The following GRID2 variants were observed in gnomAD, a reference collection of about 807,000 sequenced individuals.
GRID2 encodes glutamate ionotropic receptor delta type subunit 2.
GRID2 carries 33 observed loss-of-function variants against 114.8 expected under a neutral mutation model. That is an observed-to-expected ratio of 0.29 (90% CI 0.22 to 0.38). GRID2 has a LOEUF of 0.38. Ranked by LOEUF, GRID2 falls within the 10% of genes least tolerant of loss-of-function variation. The pLI, the probability that GRID2 is intolerant of heterozygous loss-of-function variation, is 1.00. For synonymous variants in GRID2, 505 were observed against 449.9 expected, an observed-to-expected ratio of 1.12 and a Z score of -1.55; for missense variants, 1,184 against 1,257.7, an observed-to-expected ratio of 0.94 and a Z score of 0.89.
intron 1 of GRID2, among the ~76,000 whole-genome samples, chr4:92,406,144 C>G (rs1731019586): frequency 2.6e-5 from 4 of 152,124 alleles, no homozygotes; most frequent in African/African-American, 9.7e-5. Flanking sequence ...TCCACATTCC[C>G]CAGCCCACTG....
At chr4:92,782,146 A>G (rs1739108589) in intron 2 of GRID2, among the ~76,000 whole-genome samples, 1 of 152,052 alleles carries the variant, frequency 6.6e-6, no homozygotes, top group Non-Finnish European at 1.5e-5. Context: ...ATATTTAGAT[A>G]TGGCTGTTGT....
At chr4:92,802,901 G>A (rs1740243176) in intron 2 of GRID2, among the ~76,000 whole-genome samples, 2 of 151,912 alleles carry the variant, frequency 1.3e-5, no homozygotes, top group East Asian at 1.9e-4. Flanking sequence ...TGGTATCACT[G>A]CTGCATTTTT....
At chr4:93,158,975 AG>A (rs1737427439) in intron 4 of GRID2, among the ~76,000 whole-genome samples, 1 of 151,804 alleles carries the variant, frequency 6.6e-6, no homozygotes, top group African/African-American at 2.4e-5. Flanking sequence ...TTTGGTACAA[AG>A]ATTCATTGGC....
At chr4:93,623,839 C>A (rs1378419316) in intron 13 of GRID2, among the ~76,000 whole-genome samples, 1 of 151,996 alleles carries the variant, frequency 6.6e-6, no homozygotes. Context: ...AATTTCATTA[C>A]TATTCTTGTC....
At chr4:92,489,265 A>G (rs987144079) in intron 1 of GRID2, among the ~76,000 whole-genome samples, 1 of 152,178 alleles carries the variant, frequency 6.6e-6, no homozygotes, top group Admixed American at 6.6e-5. Flanking sequence ...ACTCAACAGA[A>G]ATAATTATAT....
intron 14 of GRID2, among the ~76,000 whole-genome samples, chr4:93,709,248 C>G (rs1728275909): frequency 6.6e-6 from 1 of 152,060 alleles, no homozygotes; most frequent in Admixed American, 6.6e-5. Context: ...TGTAAAACAC[C>G]CTTTAGCATC....
At chr4:92,401,268 T>A (rs1730775796) in intron 1 of GRID2, among the ~76,000 whole-genome samples, 1 of 152,178 alleles carries the variant, frequency 6.6e-6, no homozygotes, top group Non-Finnish European at 1.5e-5. Context: ...TTGGCAATAG[T>A]TTAAACAATA....
chr4:92,852,976 T>C lies in GRID2; in HGVS notation c.245-232019T>C, dbSNP rs1743930786. On this transcript the variant is annotated intron_variant, in intron 2 of 15. Coordinates refer to ENST00000282020, the MANE Select transcript of GRID2 (RefSeq NM_001510.4). ...TCTGTTCTGCTGTAAATTCTTTGTA[T>C]TTTAATATGCCAGTGTTTGCATTTT... Among the ~76,000 whole-genome samples the C allele has an allele frequency of 2.6e-5, 4 of 152,052 alleles. No homozygotes were observed. In the South Asian group the frequency reaches 8.3e-4, roughly 31 times the overall value.
At chr4:92,816,521 G>C (rs1740928922) in intron 2 of GRID2, among the ~76,000 whole-genome samples, 1 of 152,006 alleles carries the variant, frequency 6.6e-6, no homozygotes, top group African/African-American at 2.4e-5. Flanking sequence ...AAATGTCAGA[G>C]TTTGGTAAAG....
At chr4:92,548,478 T>G (rs987958083) in intron 1 of GRID2, among the ~76,000 whole-genome samples, 1 of 138,570 alleles carries the variant, frequency 7.2e-6, no homozygotes, top group Non-Finnish European at 1.5e-5. Context: ...TTTGGCTCAC[T>G]GCAACCTCCG....
chr4:93,455,266 G>A (rs938749991), intron 10 of GRID2, among the ~76,000 whole-genome samples: 33 of 152,010 alleles, frequency 2.2e-4, no homozygotes, highest in Non-Finnish European at 1.5e-5. Context: ...TACATGTTAA[G>A]AACATATTGA....
At chr4:93,025,623 T>C (rs1211545525) in intron 2 of GRID2, among the ~76,000 whole-genome samples, 1 of 151,730 alleles carries the variant, frequency 6.6e-6, no homozygotes, top group African/African-American at 2.4e-5. Context: ...TAATAATATT[T>C]AAAAATTATA....
intron 2 of GRID2, among the ~76,000 whole-genome samples, chr4:92,837,104 A>C (rs561573115): frequency 7.9e-5 from 12 of 152,060 alleles, no homozygotes; most frequent in African/African-American, 2.9e-4. Flanking sequence ...TCTCAAATCC[A>C]TCTCCCTGAA....
intron 8 of GRID2, among the ~76,000 whole-genome samples, chr4:93,362,740 G>A (rs753442300): frequency 6.1e-4 from 93 of 151,920 alleles, no homozygotes; most frequent in Non-Finnish European, 8.2e-4. Flanking sequence ...TCCAGTCTTC[G>A]TTGTAAACAC....
intron 2 of GRID2, among the ~76,000 whole-genome samples, chr4:92,716,970 A>T (rs1305760849): frequency 6.6e-6 from 1 of 152,186 alleles, no homozygotes; most frequent in African/African-American, 2.4e-5. Flanking sequence ...TAAATATTCT[A>T]CTATTTTTGT....
chr4:93,315,954 T>C (rs1322016858), intron 8 of GRID2, among the ~76,000 whole-genome samples: 2 of 151,996 alleles, frequency 1.3e-5, no homozygotes, highest in African/African-American at 4.8e-5. Flanking sequence ...AATTACCTAA[T>C]TTGTATTAAA....
intron 2 of GRID2, among the ~76,000 whole-genome samples, chr4:92,893,390 G>A (rs1381177128): frequency 6.6e-6 from 1 of 152,106 alleles, no homozygotes; most frequent in Non-Finnish European, 1.5e-5. Context: ...CAACCCAGGG[G>A]CATGGTGGGG....
intron 2 of GRID2, among the ~76,000 whole-genome samples, chr4:92,835,428 A>G (rs1164841665): frequency 6.6e-6 from 1 of 152,160 alleles, no homozygotes; most frequent in Non-Finnish European, 1.5e-5. Context: ...ATAATTGTTT[A>G]TATTATCTGT....
chr4:93,669,864 T>C (rs551435498), intron 14 of GRID2, among the ~76,000 whole-genome samples: 1 of 152,208 alleles, frequency 6.6e-6, no homozygotes, highest in African/African-American at 2.4e-5. Flanking sequence ...AGAAAAATCA[T>C]TACTACAAAA....
Sources: gnomAD v4.1 joint callset for allele counts (sites outside exome capture counted in the v4.1 genomes callset) on GRCh38, gnomAD v4.1.1 for gene constraint, MANE v1.5 for transcripts, NCBI Gene and HGNC (gene_info 2026-07-23, HGNC 2026-07-21) for gene names.